Variants in FLRT2 observed in about 807,000 individuals in gnomAD.
FLRT2 encodes the protein leucine-rich repeat transmembrane protein FLRT2.
A neutral mutation model predicts 40.0 loss-of-function variants in FLRT2; 15 were observed. That is an observed-to-expected ratio of 0.38 (90% CI 0.25 to 0.58). FLRT2 has a LOEUF of 0.58. FLRT2 is among the 20% of genes least tolerant of loss of function. The probability of loss-of-function intolerance (pLI) is 0.71; values close to 1 mark genes in which losing one functional copy is unlikely to be tolerated. For missense variants in FLRT2, 726 were observed against 840.0 expected, an observed-to-expected ratio of 0.86 and a Z score of 1.68; for synonymous variants, 380 against 336.8, an observed-to-expected ratio of 1.13 and a Z score of -1.41.
chr14:85,581,972 C>T (rs192540709), intron 1 of FLRT2, among the ~76,000 whole-genome samples: 40 of 152,318 alleles, frequency 2.6e-4, no homozygotes, highest in African/African-American at 9.1e-4. Context: ...TGGTTGACAG[C>T]TGTGTCTGTA....
At position 85,633,642 on chromosome 14, in the gene FLRT2, A is replaced by AG. The variant is rs1566771742; in HGVS notation, c.*10145_*10146insG. ...AGTGAGACCCTATCTCTAAAAAAAAAAAAAAAAATTAGCCAGGAGTGGTGG... is the reference window on the plus strand; with the variant it reads ...AGTGAGACCCTATCTCTAAAAAAAAAGAAAAAAAATTAGCCAGGAGTGGTGG... On this transcript the variant is annotated 3_prime_UTR_variant, in exon 2 of 2. Coordinates refer to ENST00000330753, the MANE Select transcript of FLRT2 (RefSeq NM_013231.6). 6.6e-6 allele frequency: 1 copy of AG among 151,582 alleles called. No individual in the cohort carries two copies. Among genetic ancestry groups the AG allele is most frequent in the Non-Finnish European group, 1.5e-5 (1 of 67,914 alleles). 9.4% of individuals were successfully genotyped at this position (151,582 alleles called of 1,614,324 possible).
rs922009543 is a variant in FLRT2, at chr14:85,593,690, G to T, written c.-376-27449G>T. ...AGCATTGTTCGTGTGACAGTTACCT[G>T]GGCATTTTTTTCCCCTTTAATTGAA... On this transcript the variant is annotated intron_variant, in intron 1 of 1. Transcript: ENST00000330753. Among the ~76,000 whole-genome samples, 3 of 152,122 alleles carry T rather than the reference G, an allele frequency of 2.0e-5. No homozygotes were observed. In the East Asian group the frequency reaches 5.8e-4, roughly 29 times the overall value.
chr14:85,561,447 T>G (rs192073492), intron 1 of FLRT2, among the ~76,000 whole-genome samples: 1 of 152,338 alleles, frequency 6.6e-6, no homozygotes, highest in Non-Finnish European at 1.5e-5. Context: ...CCAGTCAACT[T>G]AATTTTATTC....
chr14:85,547,370 T>C (rs1413777940), intron 1 of FLRT2, among the ~76,000 whole-genome samples: 1 of 151,022 alleles, frequency 6.6e-6, no homozygotes, highest in Admixed American at 6.6e-5. Flanking sequence ...TCGCCCAGGC[T>C]GGAGTGCAGT....
chr14:85,546,095 A>G (rs1473543274), intron 1 of FLRT2, among the ~76,000 whole-genome samples: 1 of 152,214 alleles, frequency 6.6e-6, no homozygotes, highest in Non-Finnish European at 1.5e-5. Flanking sequence ...AAATAAGCAC[A>G]GTATGTGCTT....
rs200242743 is a variant in FLRT2 at position 85,577,589 on chromosome 14, T to TA, written c.-376-43550_-376-43549insA. On this transcript the variant is annotated intron_variant, in intron 1 of 1. Transcript: ENST00000330753. Reference sequence around the variant, plus strand: ...CTTCCATGTGTGTTTTCCTGATTATTTTTTTTTTTTCTTTTGAGACAGGGT... The same window carrying TA: ...CTTCCATGTGTGTTTTCCTGATTATTATTTTTTTTTTCTTTTGAGACAGGGT... Among the ~76,000 whole-genome samples the TA allele has an allele frequency of 2.0e-3, 297 of 150,722 alleles. 4 individuals carry two copies. In the East Asian group the frequency reaches 0.047, roughly 24 times the overall value.
rs183735467 is a variant in FLRT2, at chr14:85,639,086, A to G, written c.*15589A>G. The G allele has an allele frequency of 1.3e-5, 2 of 152,312 alleles. No individual in the cohort carries two copies. The highest frequency in any genetic ancestry group is 2.4e-5 in the African/African-American group (1 of 41,574). The allele number at this position is 152,312 out of a possible 1,614,324, so 9.4% of individuals were successfully genotyped here. A position where few individuals can be genotyped will look rare whatever the true frequency, so the allele number is the denominator to read the frequency against. ...GATAGATAAAAACTAAACTGAAACCAAAAGAATTTCCAGAGCAGGCAGTCT... is the reference window on the plus strand; with the variant it reads ...GATAGATAAAAACTAAACTGAAACCGAAAGAATTTCCAGAGCAGGCAGTCT... On this transcript the variant is annotated 3_prime_UTR_variant, in exon 2 of 2. Coordinates refer to ENST00000330753, the MANE Select transcript of FLRT2 (RefSeq NM_013231.6).
At chr14:85,533,497 C>T (rs1298409828) in intron 1 of FLRT2, among the ~76,000 whole-genome samples, 1 of 152,072 alleles carries the variant, frequency 6.6e-6, no homozygotes, top group Non-Finnish European at 1.5e-5. Context: ...AGCTCTCCCG[C>T]CGAGTCCCGG....
intron 1 of FLRT2, among the ~76,000 whole-genome samples, chr14:85,567,928 G>A (rs751611236): frequency 6.6e-6 from 1 of 151,944 alleles, no homozygotes; most frequent in African/African-American, 2.4e-5. Context: ...GTGAGCCACC[G>A]CGCAAGGCCT....
chr14:85,588,684 C>T (rs753482034), intron 1 of FLRT2, among the ~76,000 whole-genome samples: 1 of 152,024 alleles, frequency 6.6e-6, no homozygotes, highest in Non-Finnish European at 1.5e-5. Context: ...ATAGTCACCC[C>T]GTTGTGCTGT....
intron 1 of FLRT2, among the ~76,000 whole-genome samples, chr14:85,564,226 T>C (rs764742302): frequency 1.3e-4 from 20 of 152,208 alleles, no homozygotes; most frequent in African/African-American, 2.9e-4. Context: ...AACCCACGAA[T>C]TGATTTGGCC....
In FLRT2 at chr14:85,651,816, G is replaced by C. The variant is rs1440391525; in HGVS notation, c.*28319G>C. Reference sequence around the variant, plus strand: ...TGTTCTATTTTTATTTCTGTTGTTGGTTTCCTGAAAATCTCAGCATGCATA... The same window carrying C: ...TGTTCTATTTTTATTTCTGTTGTTGCTTTCCTGAAAATCTCAGCATGCATA... On this transcript the variant is annotated 3_prime_UTR_variant, in exon 2 of 2. Coordinates refer to ENST00000330753, the MANE Select transcript of FLRT2 (RefSeq NM_013231.6). 6.6e-6 allele frequency: 1 copy of C among 151,776 alleles called. No individual in the cohort carries two copies. The highest frequency in any genetic ancestry group is 1.5e-5 in the Non-Finnish European group (1 of 67,902). The allele number at this position is 151,776 out of a possible 1,614,324, so 9.4% of individuals were successfully genotyped here. A position where few individuals can be genotyped will look rare whatever the true frequency, so the allele number is the denominator to read the frequency against.
chr14:85,570,173 T>C (rs904329753), intron 1 of FLRT2, among the ~76,000 whole-genome samples: 1 of 152,214 alleles, frequency 6.6e-6, no homozygotes, highest in Non-Finnish European at 1.5e-5. Context: ...TTGAAAATGT[T>C]CTCTGGTTCC....
Position 85,622,246 on chromosome 14 carries a change from C to T in FLRT2, c.732C>T (p.His244=), listed in dbSNP as rs1465809804. ...EFSIVRNSLS[H]PPPDLPGTHL... is the part of the protein sequence containing the mutation. ...CAATTGTACGTAATTCGCTGTCCCA[C>T]CCTCCTCCCGATCTCCCAGGTACGC... The change falls in exon 2 of 2, where the codon CAC becomes CAT. Residue 244 remains histidine (H), a synonymous_variant. Transcript: ENST00000330753. The T allele has an allele frequency of 1.2e-6, 2 of 1,614,118 alleles. No homozygotes were observed. Among genetic ancestry groups the T allele is most frequent in the South Asian group, 2.2e-5 (2 of 91,080 alleles).
At chr14:85,617,421 A>G (rs1424261089) in intron 1 of FLRT2, among the ~76,000 whole-genome samples, 2 of 152,114 alleles carry the variant, frequency 1.3e-5, no homozygotes, top group African/African-American at 4.8e-5. Flanking sequence ...GGAGACTAAG[A>G]CTTGAAAAGA....
chr14:85,570,876 C>T (rs1440744077), intron 1 of FLRT2, among the ~76,000 whole-genome samples: 8 of 148,406 alleles, frequency 5.4e-5, no homozygotes, highest in Non-Finnish European at 1.1e-4. Context: ...TGAGCCACCA[C>T]GCCCGGCCAA....
intron 1 of FLRT2, among the ~76,000 whole-genome samples, chr14:85,578,176 ATCTT>A (rs34699317): frequency 0.19 from 27,950 of 144,944 alleles, 3,258 homozygotes; most frequent in South Asian, 0.28. Context: ...ATATAAAAAT[ATCTT>A]TATATATATT....
At chr14:85,579,043 C>T (rs892386992) in intron 1 of FLRT2, among the ~76,000 whole-genome samples, 10 of 152,286 alleles carry the variant, frequency 6.6e-5, no homozygotes, top group Non-Finnish European at 1.3e-4. Flanking sequence ...TGTTTTGAGA[C>T]GACTGGTGTC....
intron 1 of FLRT2, among the ~76,000 whole-genome samples, chr14:85,561,880 T>C (rs1890346649): frequency 3.9e-5 from 6 of 152,230 alleles, no homozygotes; most frequent in Admixed American, 3.3e-4. Flanking sequence ...TCATTGTCTT[T>C]GTATTTTGTT....
Sources: gnomAD v4.1 joint callset for allele counts (sites outside exome capture counted in the v4.1 genomes callset) on GRCh38, gnomAD v4.1.1 for gene constraint, MANE v1.5 for transcripts, NCBI Gene and HGNC (gene_info 2026-07-23, HGNC 2026-07-21) for gene names.